SEC14L4: variants seen among roughly 807,000 people sequenced by gnomAD.
SEC14L4 encodes SEC14 like lipid binding 4.
SEC14L4 carries 42 observed loss-of-function variants against 55.1 expected under a neutral mutation model. That is an observed-to-expected ratio of 0.76 (90% confidence interval 0.60 to 0.99). The LOEUF is 0.99. SEC14L4 is among the 50% of genes least tolerant of loss of function. SEC14L4 has a pLI of 0.00. For missense variants in SEC14L4, 445 were observed against 512.1 expected (o/e 0.87, Z 1.27); for synonymous variants, 206 against 206.8 (o/e 1.00, Z 0.03).
chr22:30,499,836 T>C (rs1936264530), intron 2 of SEC14L4, among the ~76,000 whole-genome samples: 1 of 152,032 alleles, frequency 6.6e-6, no homozygotes, highest in Non-Finnish European at 1.5e-5. Flanking sequence ...CACTCTCTCA[T>C]AGGTTCTTAA....
Position 30,491,643 on chromosome 22 carries a change from C to T in SEC14L4, c.1011G>A (p.Leu337=), listed in dbSNP as rs753082437. 11 of 1,614,070 alleles carry T rather than the reference C, an allele frequency of 6.8e-6. No individual in the cohort carries two copies. Among genetic ancestry groups the T allele is most frequent in the Non-Finnish European group, 9.3e-6 (11 of 1,180,032 alleles). The change falls in exon 11 of 12, where the codon CTG becomes CTA. Residue 337 remains leucine, a synonymous_variant. Transcript: ENST00000255858. ...TGTGGGCATTGTAGCGCTGGCTGGG[C>T]AGCACCTCCGTCATCTCCCTAGCAC... ...QQSAREMTEV[L]PSQRYNAHMV...
At chr22:30,490,629 G>A (rs575918922) in intron 11 of SEC14L4, among the ~76,000 whole-genome samples, 58 of 152,172 alleles carry the variant, frequency 3.8e-4, no homozygotes, top group Non-Finnish European at 4.1e-4. Context: ...GCCTAGTTGC[G>A]GTTGCACAGG....
rs142136718 is a variant in SEC14L4, at chr22:30,494,666, C to T, written c.519+200G>A. On this transcript the variant is annotated intron_variant, in intron 6 of 11. Coordinates refer to ENST00000255858, the MANE Select transcript of SEC14L4 (RefSeq NM_174977.4). ...CTGGGATGACAGGCGTGAGCCACCA[C>T]GCCTGGCCTCTTTGTGTTAATCTTG... is the stretch of plus-strand genomic sequence containing the variant. Among the ~76,000 whole-genome samples the T allele has an allele frequency of 2.9e-3, 441 of 152,314 alleles. 2 individuals are homozygous for T. The highest frequency in any genetic ancestry group is 9.7e-3 in the African/African-American group (403 of 41,570).
chr22:30,502,895 T>C (rs980764361), intron 2 of SEC14L4, among the ~76,000 whole-genome samples: 2 of 152,200 alleles, frequency 1.3e-5, no homozygotes, highest in African/African-American at 4.8e-5. Context: ...TAGAAGAAAC[T>C]GCTTCTCTAG....
intron 5 of SEC14L4, 134 bp from the exon 6 acceptor site, chr22:30,495,095 G>A: frequency 1.5e-6 from 1 of 689,484 alleles, no homozygotes; most frequent in South Asian, 1.7e-5. Context: ...CAGACAGATG[G>A]ACAACACCTC....
At chr22:30,502,895 T>G (rs980764361) in intron 2 of SEC14L4, among the ~76,000 whole-genome samples, 1 of 152,200 alleles carries the variant, frequency 6.6e-6, no homozygotes, top group Non-Finnish European at 1.5e-5. Context: ...TAGAAGAAAC[T>G]GCTTCTCTAG....
intron 11 of SEC14L4, among the ~76,000 whole-genome samples, chr22:30,491,071 C>T (rs1401472577): frequency 6.6e-6 from 1 of 152,198 alleles, no homozygotes; most frequent in Non-Finnish European, 1.5e-5. Context: ...GGAAATCAAC[C>T]TTGGGTTCCC....
In SEC14L4 at chr22:30,489,603, A is replaced by G; in HGVS notation, c.*504T>C. Reference sequence around the variant, plus strand: ...TGGATGGGCCCCAGTGCTCTGCTGGAACCAGGACCCTCACCCAGCTGCCTC... The same window carrying G: ...TGGATGGGCCCCAGTGCTCTGCTGGGACCAGGACCCTCACCCAGCTGCCTC... On this transcript the variant is annotated 3_prime_UTR_variant, in exon 12 of 12. Transcript: ENST00000255858. The G allele has an allele frequency of 1.7e-6, 1 of 579,612 alleles. No homozygotes were observed. The highest frequency in any genetic ancestry group is 3.1e-6 in the Non-Finnish European group (1 of 325,410). 35.9% of individuals were successfully genotyped at this position (579,612 alleles called of 1,614,324 possible).
In SEC14L4 at chr22:30,505,263, G is replaced by C. The variant is rs369891132; in HGVS notation, c.54+295C>G. Among the ~76,000 whole-genome samples the C allele has an allele frequency of 2.2e-4, 34 of 152,212 alleles. No homozygotes were observed. The South Asian group carries it at 6.8e-3, about 31-fold the overall frequency. ...TCTACCCAAGGCTGCCCCCGCAGCC[G>C]GATGGCAGCGCCACTCCCTCCCCCA... On this transcript the variant is annotated intron_variant, in intron 1 of 11. Coordinates refer to ENST00000255858, the MANE Select transcript of SEC14L4 (RefSeq NM_174977.4).
chr22:30,505,283 C>A (rs1024759948), intron 1 of SEC14L4, among the ~76,000 whole-genome samples: 1 of 152,210 alleles, frequency 6.6e-6, no homozygotes, highest in African/African-American at 2.4e-5. Context: ...GCCACTCCCT[C>A]CCCCACAACC....
intron 5 of SEC14L4, 71 bp from the exon 6 acceptor site, chr22:30,495,032 C>A: frequency 7.7e-7 from 1 of 1,298,954 alleles, no homozygotes. Flanking sequence ...GAGACTTGGG[C>A]ACCTCTCCCC....
intron 1 of SEC14L4, among the ~76,000 whole-genome samples, chr22:30,504,594 T>C (rs917588952): frequency 2.0e-5 from 3 of 152,064 alleles, no homozygotes; most frequent in Non-Finnish European, 2.9e-5. Flanking sequence ...GTGTCAGATA[T>C]ATGTGAGCAC....
At chr22:30,503,797 C>T (rs1004467821) in intron 1 of SEC14L4, 45 bp from the exon 2 acceptor site, 7 of 1,527,426 alleles carry the variant, frequency 4.6e-6, no homozygotes, top group African/African-American at 4.1e-5. Flanking sequence ...CTCATGACCT[C>T]GGGGGCCACC....
rs1935898673 is a variant in SEC14L4 at position 30,490,023 on chromosome 22, C to T, written c.*84G>A. 1 of 1,583,588 alleles carries T rather than the reference C, an allele frequency of 6.3e-7. No individual in the cohort carries two copies. Among genetic ancestry groups the T allele is most frequent in the Non-Finnish European group, 8.6e-7 (1 of 1,163,598 alleles). On this transcript the variant is annotated 3_prime_UTR_variant, in exon 12 of 12. Coordinates refer to ENST00000255858, the MANE Select transcript of SEC14L4 (RefSeq NM_174977.4). ...ACAAGTGGCTCTCTGCAGCCACCTCCAGCACCACCCTGCCTGGGAAGGCAG... is the reference window on the plus strand; with the variant it reads ...ACAAGTGGCTCTCTGCAGCCACCTCTAGCACCACCCTGCCTGGGAAGGCAG...
chr22:30,495,290 C>T lies in SEC14L4; in HGVS notation c.387G>A (p.Glu129=), dbSNP rs761941735. 1 of 1,613,418 alleles carries T rather than the reference C, an allele frequency of 6.2e-7. No individual in the cohort carries two copies. Among genetic ancestry groups the T allele is most frequent in the Non-Finnish European group, 8.5e-7 (1 of 1,179,746 alleles). Residue 129 remains glutamate (E), a synonymous_variant, in exon 5 of 12, where the codon GAG becomes GAA. Coordinates refer to ENST00000255858, the MANE Select transcript of SEC14L4 (RefSeq NM_174977.4). ...DMIRKRIKVC[E]LLLHECELQT... is the part of the protein sequence containing the mutation. ...GCAGCTCACACTCATGCAACAGCAG[C>T]TCACAGACTTTGATGCGCTTCCGGA...
At position 30,494,385 on chromosome 22, in the gene SEC14L4, C is replaced by T. The variant is rs200351361; in HGVS notation, c.520-175G>A. ...CTTTTTTTGTTTGTTGATTTGTTCT[C>T]GAGACAGGGTCTCACTCTGTCTCCC... On this transcript the variant is annotated intron_variant, in intron 6 of 11. Coordinates refer to ENST00000255858, the MANE Select transcript of SEC14L4 (RefSeq NM_174977.4). Among the ~76,000 whole-genome samples the T allele has an allele frequency of 4.6e-5, 7 of 152,150 alleles. No homozygotes were observed. The East Asian group carries it at 1.4e-3, about 29-fold the overall frequency.
chr22:30,503,558 C>T (rs1003634552), intron 2 of SEC14L4, 119 bp downstream of exon 2: 20 of 603,844 alleles, frequency 3.3e-5, no homozygotes, highest in Middle Eastern at 2.8e-4. Context: ...CCACCGGGCC[C>T]GGCAAGCCTG....
At chr22:30,492,373 G>T in intron 8 of SEC14L4, 101 bp downstream of exon 8, 4 of 1,225,786 alleles carry the variant, frequency 3.3e-6, no homozygotes, top group Non-Finnish European at 4.7e-6. Flanking sequence ...CAGGCCAGGG[G>T]TAGTGCCCGA....
chr22:30,500,227 G>C (rs1936278157), intron 2 of SEC14L4, among the ~76,000 whole-genome samples: 1 of 152,140 alleles, frequency 6.6e-6, no homozygotes, highest in Middle Eastern at 3.4e-3. Flanking sequence ...TCTGAGTTTT[G>C]GGGGAGGGGA....
Sources: allele counts gnomAD v4.1 joint callset (sites outside exome capture counted in the v4.1 genomes callset), GRCh38; gene constraint gnomAD v4.1.1; transcripts MANE v1.5; gene names NCBI Gene and HGNC (gene_info 2026-07-23, HGNC 2026-07-21).